The following DLGAP1 variants were observed in gnomAD, a reference collection of about 807,000 sequenced individuals.
DLGAP1 encodes the protein DLG associated protein 1, also known as disks large-associated protein 1.
DLGAP1 carries 11 observed loss-of-function variants against 90.8 expected under a neutral mutation model. That is an observed-to-expected ratio of 0.12 (90% CI 0.08 to 0.20). The LOEUF (loss-of-function observed/expected upper bound fraction) is 0.20, where lower values mean the gene tolerates loss of function less well. DLGAP1 is among the 10% of genes least tolerant of loss of function. DLGAP1 has a pLI of 1.00. For missense variants in DLGAP1, 1,050 were observed against 1,333.8 expected, an observed-to-expected ratio of 0.79 and a Z score of 3.31; for synonymous variants, 558 against 540.7, an observed-to-expected ratio of 1.03 and a Z score of -0.44.
intron 1 of DLGAP1, among the ~76,000 whole-genome samples, chr18:4,172,099 ACAT>A (rs1194643988): frequency 6.6e-6 from 1 of 152,182 alleles, no homozygotes; most frequent in African/African-American, 2.4e-5. Context: ...ATACTCAATA[ACAT>A]CATCATATTT....
chr18:4,191,554 C>G (rs2077400077), intron 1 of DLGAP1, among the ~76,000 whole-genome samples: 1 of 152,144 alleles, frequency 6.6e-6, no homozygotes, highest in African/African-American at 2.4e-5. Context: ...TTTCTCCTTT[C>G]TAGTCCATTC....
At chr18:4,295,545 A>G (rs1015627679) in intron 1 of DLGAP1, 12 of 152,238 alleles carry the variant, frequency 7.9e-5, no homozygotes, top group Non-Finnish European at 1.6e-4. Context: ...AGCAGTGTTC[A>G]TGGGTGGGAA....
At chr18:4,239,705 C>T (rs538181869) in intron 1 of DLGAP1, among the ~76,000 whole-genome samples, 8 of 152,226 alleles carry the variant, frequency 5.3e-5, no homozygotes, top group African/African-American at 9.6e-5. Flanking sequence ...AAAGTGTCTT[C>T]GATTTAAAAT....
At chr18:3,689,793 T>C (rs1002897933) in intron 7 of DLGAP1, among the ~76,000 whole-genome samples, 3 of 152,202 alleles carry the variant, frequency 2.0e-5, no homozygotes, top group Admixed American at 2.0e-4. Context: ...TGTGGTTAAT[T>C]TGGAAAATTC....
intron 1 of DLGAP1, among the ~76,000 whole-genome samples, chr18:4,318,603 C>T (rs945713808): frequency 3.3e-5 from 5 of 151,984 alleles, no homozygotes; most frequent in African/African-American, 1.2e-4. Flanking sequence ...TGCAGGAGTT[C>T]CATCTTGAGA....
chr18:4,398,955 C>T (rs1042823539), intron 1 of DLGAP1, among the ~76,000 whole-genome samples: 1 of 152,142 alleles, frequency 6.6e-6, no homozygotes, highest in Non-Finnish European at 1.5e-5. Context: ...CCTCAGCCTC[C>T]CAAGTAGCTG....
chr18:3,554,813 T>G (rs1232232165), intron 9 of DLGAP1, among the ~76,000 whole-genome samples: 1 of 152,218 alleles, frequency 6.6e-6, no homozygotes, highest in Non-Finnish European at 1.5e-5. Context: ...CTGGGTTAGT[T>G]TTTGTTCCTA....
intron 2 of DLGAP1, among the ~76,000 whole-genome samples, chr18:4,115,617 C>T (rs960692003): frequency 2.0e-5 from 3 of 152,200 alleles, no homozygotes; most frequent in Admixed American, 1.3e-4. Flanking sequence ...TCCGGAGTAG[C>T]TGGGACTACA....
intron 7 of DLGAP1, among the ~76,000 whole-genome samples, chr18:3,589,611 C>T (rs1196321966): frequency 1.3e-5 from 2 of 152,132 alleles, no homozygotes; most frequent in Admixed American, 6.5e-5. Context: ...GTCCCAGAGT[C>T]AAGTAACATC....
intron 2 of DLGAP1, among the ~76,000 whole-genome samples, chr18:4,067,693 A>C (rs1371792963): frequency 1.3e-5 from 2 of 151,970 alleles, no homozygotes; most frequent in Non-Finnish European, 2.9e-5. Context: ...CTTAACCCAG[A>C]CACTCTCTTC....
intron 3 of DLGAP1, among the ~76,000 whole-genome samples, chr18:4,003,253 A>G (rs1477196808): frequency 1.3e-5 from 2 of 152,184 alleles, no homozygotes; most frequent in Non-Finnish European, 2.9e-5. Context: ...TGCTCTTGGT[A>G]GAGACAGGGA....
At chr18:3,591,528 A>C (rs915432924) in intron 7 of DLGAP1, among the ~76,000 whole-genome samples, 1 of 151,434 alleles carries the variant, frequency 6.6e-6, no homozygotes, top group African/African-American at 2.4e-5. Flanking sequence ...TCTCCACAAA[A>C]TTATCCAGGA....
chr18:3,913,605 T>C (rs1599151866), intron 3 of DLGAP1, among the ~76,000 whole-genome samples: 1 of 152,232 alleles, frequency 6.6e-6, no homozygotes. Flanking sequence ...GATTGAAATA[T>C]AGATTCTTTT....
chr18:3,905,283 C>A (rs112788994), intron 3 of DLGAP1, among the ~76,000 whole-genome samples: 1 of 137,504 alleles, frequency 7.3e-6, no homozygotes, highest in East Asian at 2.4e-4. Context: ...AGGAGAATGG[C>A]GTGAACCCGG....
intron 1 of DLGAP1, among the ~76,000 whole-genome samples, chr18:4,400,509 C>T (rs939196363): frequency 6.6e-6 from 1 of 152,040 alleles, no homozygotes; most frequent in Admixed American, 6.6e-5. Flanking sequence ...TTTCCTGTGT[C>T]CCATGTATAT....
At chr18:4,353,805 T>TAA (rs1431153911) in intron 1 of DLGAP1, among the ~76,000 whole-genome samples, 9 of 152,124 alleles carry the variant, frequency 5.9e-5, no homozygotes, top group African/African-American at 1.9e-4. Flanking sequence ...TCCTGAAGTT[T>TAA]AGTGTTGGGC....
chr18:4,312,514 T>G (rs2143474742), intron 1 of DLGAP1, among the ~76,000 whole-genome samples: 1 of 152,318 alleles, frequency 6.6e-6, no homozygotes, highest in East Asian at 1.9e-4. Context: ...AATTTTTGAC[T>G]TTAAGTTTGT....
At chr18:4,113,452 T>C (rs2076008545) in intron 2 of DLGAP1, among the ~76,000 whole-genome samples, 1 of 152,070 alleles carries the variant, frequency 6.6e-6, no homozygotes, top group African/African-American at 2.4e-5. Context: ...ACATTTTTAA[T>C]GGGGTTATTA....
At chr18:3,646,473 A>G (rs2059119550) in intron 7 of DLGAP1, among the ~76,000 whole-genome samples, 1 of 152,196 alleles carries the variant, frequency 6.6e-6, no homozygotes, top group Non-Finnish European at 1.5e-5. Flanking sequence ...AAGAAAAGGA[A>G]ACAGTTGTGT....
Sources: allele counts gnomAD v4.1 joint callset (sites outside exome capture counted in the v4.1 genomes callset), GRCh38; gene constraint gnomAD v4.1.1; transcripts MANE v1.5; gene names NCBI Gene and HGNC (gene_info 2026-07-23, HGNC 2026-07-21).